Variants in OR14I1 observed in about 807,000 individuals in gnomAD.
OR14I1 encodes olfactory receptor 14I1.
For missense variants in OR14I1, 279 were observed against 181.8 expected (o/e 1.53, Z -3.07); for synonymous variants, 118 against 71.1 (o/e 1.66, Z -3.32).
chr1:248,684,441 C>A (rs566556203), upstream of OR14I1, among the ~76,000 whole-genome samples: 1 of 152,122 alleles, frequency 6.6e-6, no homozygotes, highest in Non-Finnish European at 1.5e-5. Flanking sequence ...ACTGAAGATG[C>A]GCAAGTTTGA....
the OR14I1 span, among the ~76,000 whole-genome samples, chr1:248,688,597 A>G: frequency 6.6e-6 from 1 of 152,214 alleles, no homozygotes; most frequent in Non-Finnish European, 1.5e-5. Flanking sequence ...ATCTTGCTCT[A>G]TAATCACAGA....
chr1:248,696,833 C>G, the OR14I1 span, among the ~76,000 whole-genome samples: 1 of 152,078 alleles, frequency 6.6e-6, no homozygotes, highest in Non-Finnish European at 1.5e-5. Flanking sequence ...AAAATGAGCT[C>G]CATAATGGCA....
chr1:248,691,537 C>A, the OR14I1 span, among the ~76,000 whole-genome samples: 1 of 152,144 alleles, frequency 6.6e-6, no homozygotes, highest in Admixed American at 6.5e-5. Flanking sequence ...GGGGTGAGAA[C>A]CAAAGAATCG....
At chr1:248,697,152 A>C in the OR14I1 span, 1 of 152,244 alleles carries the variant, frequency 6.6e-6, no homozygotes, top group African/African-American at 2.4e-5. Context: ...CAGAACTCAA[A>C]TGGTGTGCAG....
upstream of OR14I1, among the ~76,000 whole-genome samples, chr1:248,687,326 C>T (rs555487868): frequency 1.3e-5 from 2 of 152,274 alleles, no homozygotes; most frequent in African/African-American, 4.8e-5. Flanking sequence ...CAGTTAAGTG[C>T]GTATACTCAG....
upstream of OR14I1, among the ~76,000 whole-genome samples, chr1:248,686,070 TGATA>T (rs1661645854): frequency 6.6e-6 from 1 of 152,270 alleles, no homozygotes; most frequent in African/African-American, 2.4e-5. Flanking sequence ...TGTGCATCAT[TGATA>T]GATATAAGTT....
chr1:248,680,580 C>A (rs751502691), downstream of OR14I1, among the ~76,000 whole-genome samples: 1 of 152,144 alleles, frequency 6.6e-6, no homozygotes, highest in Non-Finnish European at 1.5e-5. Context: ...GGTGTTCTGA[C>A]AAAATAATGA....
the OR14I1 span, among the ~76,000 whole-genome samples, chr1:248,687,685 TCAGAGAGCTCTGCCCAG>T: frequency 2.0e-5 from 3 of 152,216 alleles, no homozygotes; most frequent in Non-Finnish European, 4.4e-5. Flanking sequence ...CAGAAGAAAT[TCAGAGAGCTCTGCCCAG>T]CAGTGTGAAC....
the OR14I1 span, among the ~76,000 whole-genome samples, chr1:248,701,524 T>A: frequency 6.6e-6 from 1 of 152,230 alleles, no homozygotes; most frequent in African/African-American, 2.4e-5. Context: ...CTGTAAAAAC[T>A]ATAAAAACAT....
chr1:248,700,298 AAAGACCTCC>A, the OR14I1 span, among the ~76,000 whole-genome samples: 2 of 152,258 alleles, frequency 1.3e-5, no homozygotes, highest in African/African-American at 2.4e-5. Flanking sequence ...ACCCAAAGTG[AAAGACCTCC>A]AATTAAAGCC....
chr1:248,692,437 C>CATTCCCACATCCCTGCTCTG, the OR14I1 span, among the ~76,000 whole-genome samples: 2 of 152,254 alleles, frequency 1.3e-5, no homozygotes, highest in Admixed American at 6.5e-5. Flanking sequence ...TGCGTTTCCG[C>CATTCCCACATCCCTGCTCTG]ATTCCCACAT....
chr1:248,683,170 A>C (rs1300652639), upstream of OR14I1, among the ~76,000 whole-genome samples: 1 of 152,230 alleles, frequency 6.6e-6, no homozygotes, highest in African/African-American at 2.4e-5. Context: ...AAATCAAGGC[A>C]GTTCATTTCC....
chr1:248,687,186 T>C (rs1455746247), upstream of OR14I1, among the ~76,000 whole-genome samples: 2 of 152,168 alleles, frequency 1.3e-5, no homozygotes, highest in African/African-American at 4.8e-5. Context: ...GTGAAAAAAG[T>C]AAAGGATTTA....
chr1:248,697,400 A>G, the OR14I1 span, among the ~76,000 whole-genome samples: 1 of 151,586 alleles, frequency 6.6e-6, no homozygotes, highest in African/African-American at 2.4e-5. Flanking sequence ...ATTCATTGAC[A>G]GGCTCTCTAC....
chr1:248,682,037 T>C (rs140548592), exon 1 of OR14I1: 15 of 780,968 alleles, frequency 1.9e-5, no homozygotes, highest in Non-Finnish European at 2.6e-5. Flanking sequence ...AGATAAGAGA[T>C]GGAGCTTCTG....
downstream of OR14I1, among the ~76,000 whole-genome samples, chr1:248,679,295 A>T (rs1158264668): frequency 6.6e-6 from 1 of 152,080 alleles, no homozygotes; most frequent in Non-Finnish European, 1.5e-5. Flanking sequence ...AATTAGAATA[A>T]TGTTAATATT....
chr1:248,682,356 T>C, upstream of OR14I1: 1 of 682,938 alleles, frequency 1.5e-6, no homozygotes, highest in South Asian at 1.7e-5. Context: ...ACAATAGTTT[T>C]AAATGAGACA....
chr1:248,693,329 C>T, the OR14I1 span, among the ~76,000 whole-genome samples: 2 of 152,072 alleles, frequency 1.3e-5, no homozygotes, highest in Non-Finnish European at 2.9e-5. Context: ...TCCTGGTTCC[C>T]TCAGCCTCTC....
the OR14I1 span, among the ~76,000 whole-genome samples, chr1:248,699,437 T>G: frequency 1.3e-5 from 2 of 152,184 alleles, no homozygotes; most frequent in African/African-American, 4.8e-5. Flanking sequence ...TTAGATGGAC[T>G]TTGAGGAGAC....
Sources: gnomAD v4.1 joint callset for allele counts (sites outside exome capture counted in the v4.1 genomes callset) on GRCh38, gnomAD v4.1.1 for gene constraint, MANE v1.5 for transcripts, NCBI Gene and HGNC (gene_info 2026-07-23, HGNC 2026-07-21) for gene names.